The following PKHD1 variants were observed in gnomAD, a reference collection of about 807,000 sequenced individuals.
PKHD1 encodes the protein fibrocystin.
Under a neutral mutation model 412.0 loss-of-function variants are expected in PKHD1, and 291 were observed. The observed-to-expected ratio is 0.71, with a 90% CI of 0.64 to 0.78. The LOEUF (loss-of-function observed/expected upper bound fraction) is 0.78, where lower values mean the gene tolerates loss of function less well. PKHD1 is among the 30% of genes least tolerant of loss of function. PKHD1 has a pLI of 0.00. For missense variants in PKHD1, 4,825 were observed against 4,950.7 expected, an observed-to-expected ratio of 0.97 and a Z score of 0.76; for synonymous variants, 1,777 against 1,821.5, an observed-to-expected ratio of 0.98 and a Z score of 0.62.
chr6:51,706,867 G>A (rs557821652), intron 60 of PKHD1, among the ~76,000 whole-genome samples: 1 of 152,192 alleles, frequency 6.6e-6, no homozygotes, highest in South Asian at 2.1e-4. Context: ...GATCTGAGAT[G>A]TGGCAGTGTT....
At chr6:51,990,879 T>C (rs1796969103) in intron 35 of PKHD1, among the ~76,000 whole-genome samples, 1 of 152,192 alleles carries the variant, frequency 6.6e-6, no homozygotes, top group Admixed American at 6.5e-5. Context: ...CCACAGGGCC[T>C]AGGGCAAGTC....
chr6:51,906,815 G>A (rs1782170783), intron 40 of PKHD1, among the ~76,000 whole-genome samples: 1 of 152,112 alleles, frequency 6.6e-6, no homozygotes, highest in South Asian at 2.1e-4. Context: ...ATTCCTAACT[G>A]TAAGCAAGGT....
In PKHD1 at chr6:51,642,084, G is replaced by T. The variant is rs192933304; in HGVS notation, c.11399-3128C>A. ...TAGATAAATAAATAAAGAGTAAATG[G>T]TTTCATGCCTCATTCACTTTTCATG... On this transcript the variant is annotated intron_variant, in intron 63 of 66. Transcript: ENST00000371117. Among the ~76,000 whole-genome samples the T allele has an allele frequency of 4.0e-3, 602 of 152,098 alleles. 6 individuals carry two copies. Among genetic ancestry groups the T allele is most frequent in the South Asian group, 0.029 (137 of 4,802 alleles).
chr6:51,900,380 A>G (rs1342879187), intron 43 of PKHD1, among the ~76,000 whole-genome samples: 2 of 152,218 alleles, frequency 1.3e-5, no homozygotes, highest in East Asian at 3.8e-4. Context: ...ATCTACAACT[A>G]TCTGATCTTT....
At chr6:51,651,745 G>A (rs1027201001) in intron 61 of PKHD1, among the ~76,000 whole-genome samples, 1 of 152,036 alleles carries the variant, frequency 6.6e-6, no homozygotes, top group African/African-American at 2.4e-5. Context: ...AGCATTGTGC[G>A]AATTAACGTT....
intron 60 of PKHD1, among the ~76,000 whole-genome samples, chr6:51,685,351 A>G (rs1777273923): frequency 1.3e-5 from 2 of 152,106 alleles, no homozygotes; most frequent in South Asian, 2.1e-4. Context: ...CCTCTTCAGC[A>G]TTTGACTCCC....
chr6:52,082,458 A>G lies in PKHD1; in HGVS notation c.215T>C (p.Leu72Pro). ...AAAGACGTCACAGGGAACACTCCGC[A>G]GTGCGGGCACCACCATGTTCACGTT... ...LVNVNMVVPA[L>P]RSVPCDVFPV... Residue 72 changes from leucine (L) to proline (P), a missense_variant, in exon 4 of 67, where the codon CTG (leucine) becomes CCG (proline). Coordinates refer to ENST00000371117, the MANE Select transcript of PKHD1 (RefSeq NM_138694.4). 1 of 1,614,178 alleles carries G rather than the reference A, an allele frequency of 6.2e-7. No individual in the cohort carries two copies. The highest frequency in any genetic ancestry group is 8.5e-7 in the Non-Finnish European group (1 of 1,179,998).
rs1766302374 is a variant in PKHD1 at position 51,619,192 on chromosome 6, A to G, written c.12114T>C (p.Ser4038=). 6.2e-7 allele frequency: 1 copy of G among 1,614,096 alleles called. No homozygotes were observed. Among genetic ancestry groups the G allele is most frequent in the African/African-American group, 1.3e-5 (1 of 74,934 alleles). The change falls in exon 67 of 67, where the codon AGT becomes AGC. Residue 4038 remains serine, a synonymous_variant. Coordinates refer to ENST00000371117, the MANE Select transcript of PKHD1 (RefSeq NM_138694.4). The stretch of plus-strand genomic sequence containing the variant: ...AAAGCCCCAAGCTGCCACTTTGCTT[A>G]CTCAGCCGACTTTGCCCTGGCAACT... ...RQQLPGQSRL[S]KQSGSLGLSQ...
At chr6:51,660,764 T>C (rs1772711298) in intron 60 of PKHD1, among the ~76,000 whole-genome samples, 1 of 152,168 alleles carries the variant, frequency 6.6e-6, no homozygotes, top group Non-Finnish European at 1.5e-5. Flanking sequence ...CCTCTGCATG[T>C]GCCACCCTCA....
At chr6:51,768,516 T>C (rs1562268793) in intron 55 of PKHD1, among the ~76,000 whole-genome samples, 1 of 151,988 alleles carries the variant, frequency 6.6e-6, no homozygotes, top group East Asian at 1.9e-4. Context: ...AATTTAAAAG[T>C]TTACTACTTG....
At chr6:52,080,245 T>C (rs1217255948) in intron 4 of PKHD1, among the ~76,000 whole-genome samples, 3 of 152,220 alleles carry the variant, frequency 2.0e-5, no homozygotes, top group Non-Finnish European at 4.4e-5. Context: ...TTGTTTTTAA[T>C]ATGTCATGTT....
At chr6:51,770,309 A>C (rs1430665608) in intron 55 of PKHD1, among the ~76,000 whole-genome samples, 1 of 151,794 alleles carries the variant, frequency 6.6e-6, no homozygotes, top group Non-Finnish European at 1.5e-5. Flanking sequence ...TACTAATGTA[A>C]ATTATAATTA....
chr6:51,960,094 G>A (rs1791786038), intron 35 of PKHD1, 68 bp from the exon 36 acceptor site: 1 of 1,497,862 alleles, frequency 6.7e-7, no homozygotes, highest in African/African-American at 1.4e-5. Flanking sequence ...TCGTTGGTTG[G>A]TTCGCTGGTT....
chr6:51,951,236 C>A (rs1359017126), intron 36 of PKHD1, among the ~76,000 whole-genome samples: 2 of 152,084 alleles, frequency 1.3e-5, no homozygotes, highest in Non-Finnish European at 2.9e-5. Flanking sequence ...AAGCTTCTAG[C>A]ATTTAAGTGC....
At chr6:52,023,056 C>G (rs1801641971) in intron 32 of PKHD1, 112 bp from the exon 33 acceptor site, 1 of 1,248,722 alleles carries the variant, frequency 8.0e-7, no homozygotes, top group South Asian at 1.3e-5. Flanking sequence ...TTCACATCCT[C>G]AGAATCCGCA....
At chr6:51,926,488 T>A (rs530849946) in intron 37 of PKHD1, among the ~76,000 whole-genome samples, 1 of 152,302 alleles carries the variant, frequency 6.6e-6, no homozygotes, top group South Asian at 2.1e-4. Flanking sequence ...CAAGTATATA[T>A]AGAAACTTGA....
In PKHD1 at chr6:51,916,159, CA is replaced by C. The variant is rs543482414; in HGVS notation, c.6122-3584del. Among the ~76,000 whole-genome samples, 324 of 152,224 alleles carry C rather than the reference CA, an allele frequency of 2.1e-3. 1 individual carries two copies. Among genetic ancestry groups the C allele is most frequent in the African/African-American group, 7.3e-3 (305 of 41,558 alleles). ...CCTTTATATATGGCACAATTCCTAA[CA>C]CAGCACTGGACGCATAATTAACATT... On this transcript the variant is annotated intron_variant, in intron 37 of 66. Coordinates refer to ENST00000371117, the MANE Select transcript of PKHD1 (RefSeq NM_138694.4).
At chr6:51,952,636 T>C (rs1790534562) in intron 36 of PKHD1, among the ~76,000 whole-genome samples, 1 of 152,160 alleles carries the variant, frequency 6.6e-6, no homozygotes, top group African/African-American at 2.4e-5. Context: ...CTACCTGTGA[T>C]ACACTTAGCT....
chr6:51,619,052 T>C lies in PKHD1; in HGVS notation c.*29A>G. 6.3e-7 allele frequency: 1 copy of C among 1,599,138 alleles called. No individual in the cohort carries two copies. The highest frequency in any genetic ancestry group is 8.6e-7 in the Non-Finnish European group (1 of 1,166,656). Reference sequence around the variant, plus strand: ...CAGAAATACTGGGAACATTCTGCCTTTCAGGCCAAATGCCCCCAACTTCCC... The same window carrying C: ...CAGAAATACTGGGAACATTCTGCCTCTCAGGCCAAATGCCCCCAACTTCCC... On this transcript the variant is annotated 3_prime_UTR_variant, in exon 67 of 67. Transcript: ENST00000371117.
Sources: gnomAD v4.1 joint callset for allele counts (sites outside exome capture counted in the v4.1 genomes callset) on GRCh38, gnomAD v4.1.1 for gene constraint, MANE v1.5 for transcripts, NCBI Gene and HGNC (gene_info 2026-07-23, HGNC 2026-07-21) for gene names.